CDH13: variants seen among roughly 807,000 people sequenced by gnomAD.
The protein encoded by CDH13 is cadherin 13.
Under a neutral mutation model 63.8 loss-of-function variants are expected in CDH13, and 24 were observed. That is an observed-to-expected ratio of 0.38 (90% CI 0.27 to 0.53). The LOEUF is 0.53. CDH13 is among the 20% of genes least tolerant of loss of function. The pLI, the probability that CDH13 is intolerant of heterozygous loss-of-function variation, is 0.85. For synonymous variants in CDH13, 503 were observed against 355.3 expected (o/e 1.42, Z -4.67); for missense variants, 1,049 against 903.1 (o/e 1.16, Z -2.07).
At chr16:82,954,520 C>T (rs1905766525) in intron 2 of CDH13, 1 of 152,116 alleles carries the variant, frequency 6.6e-6, no homozygotes, top group South Asian at 2.1e-4. Flanking sequence ...TGATGGTGTG[C>T]TCTTCCAAAG....
chr16:83,181,920 C>T (rs963351624), intron 4 of CDH13, among the ~76,000 whole-genome samples: 4 of 152,112 alleles, frequency 2.6e-5, no homozygotes, highest in Non-Finnish European at 4.4e-5. Flanking sequence ...GGAGCACAGG[C>T]GTCGGGCACA....
intron 5 of CDH13, among the ~76,000 whole-genome samples, chr16:83,236,613 G>C (rs1443988752): frequency 6.6e-6 from 1 of 152,016 alleles, no homozygotes; most frequent in East Asian, 1.9e-4. Context: ...GACAGATTCT[G>C]GCATTAACTA....
At chr16:83,286,264 C>T (rs1241786982) in intron 5 of CDH13, among the ~76,000 whole-genome samples, 1 of 152,204 alleles carries the variant, frequency 6.6e-6, no homozygotes, top group Non-Finnish European at 1.5e-5. Flanking sequence ...ATGCCAGTTG[C>T]ATCCATATTA....
At chr16:82,701,197 G>C (rs922433578) in intron 1 of CDH13, among the ~76,000 whole-genome samples, 1 of 151,700 alleles carries the variant, frequency 6.6e-6, no homozygotes, top group Admixed American at 6.6e-5. Flanking sequence ...GTTAAATCCT[G>C]TTGATGCTAC....
chr16:83,588,491 G>A (rs924729276), intron 7 of CDH13, among the ~76,000 whole-genome samples: 6 of 152,170 alleles, frequency 3.9e-5, no homozygotes, highest in South Asian at 2.1e-4. Flanking sequence ...ACTATAACCC[G>A]ATGACCACAT....
chr16:83,176,329 G>A (rs8059350), intron 4 of CDH13, among the ~76,000 whole-genome samples: 3,952 of 151,678 alleles, frequency 0.026, 150 homozygotes, highest in African/African-American at 0.09. Context: ...GGGCAACATG[G>A]TGAAACCCTG....
At chr16:82,741,261 G>T (rs1466807799) in intron 1 of CDH13, among the ~76,000 whole-genome samples, 1 of 152,154 alleles carries the variant, frequency 6.6e-6, no homozygotes, top group Non-Finnish European at 1.5e-5. Flanking sequence ...CCATCATTCT[G>T]TGTGAATTTA....
At chr16:83,102,837 A>T (rs1002706472) in intron 3 of CDH13, among the ~76,000 whole-genome samples, 4 of 151,858 alleles carry the variant, frequency 2.6e-5, no homozygotes, top group African/African-American at 9.7e-5. Flanking sequence ...CATTAACCAG[A>T]AAAGGGTAAA....
At chr16:83,548,767 C>T (rs1693337313) in intron 7 of CDH13, among the ~76,000 whole-genome samples, 1 of 152,108 alleles carries the variant, frequency 6.6e-6, no homozygotes, top group Admixed American at 6.5e-5. Flanking sequence ...CCACCTTACC[C>T]TTGATTCTCA....
chr16:83,786,800 C>T (rs377386114), intron 13 of CDH13, among the ~76,000 whole-genome samples: 3 of 152,102 alleles, frequency 2.0e-5, no homozygotes, highest in Non-Finnish European at 4.4e-5. Flanking sequence ...GTTGTCCAGG[C>T]TGGTCTCAAA....
At chr16:82,666,128 C>G (rs1275239956) in intron 1 of CDH13, among the ~76,000 whole-genome samples, 1 of 152,110 alleles carries the variant, frequency 6.6e-6, no homozygotes, top group Admixed American at 6.5e-5. Flanking sequence ...CTATAACGAT[C>G]TCACGTCTGT....
At chr16:83,547,078 G>T (rs2075399744) in intron 7 of CDH13, among the ~76,000 whole-genome samples, 1 of 152,212 alleles carries the variant, frequency 6.6e-6, no homozygotes, top group African/African-American at 2.4e-5. Context: ...AGGTGAATGT[G>T]TCAAGCACTG....
At chr16:82,683,332 C>G (rs1486718073) in intron 1 of CDH13, among the ~76,000 whole-genome samples, 5 of 152,200 alleles carry the variant, frequency 3.3e-5, no homozygotes, top group Non-Finnish European at 7.3e-5. Flanking sequence ...TCCCCGCTTT[C>G]TGGTTCCAGA....
rs1223247105 is a variant in CDH13, at chr16:83,213,760, C to A, written c.484-3585C>A. On this transcript the variant is annotated intron_variant, in intron 4 of 13. Coordinates refer to ENST00000567109, the MANE Select transcript of CDH13 (RefSeq NM_001257.5). ...AGGTGGTAATGAGAGGTGAAGCCAG[C>A]TGGACTTCCTGGGTGGAGTGGGGAC... Among the ~76,000 whole-genome samples, 4 of 152,164 alleles carry A rather than the reference C, an allele frequency of 2.6e-5. 1 individual carries two copies. Among genetic ancestry groups the A allele is most frequent in the East Asian group, 3.9e-4 (2 of 5,186 alleles).
At chr16:83,523,582 T>G (rs2074890741) in intron 7 of CDH13, among the ~76,000 whole-genome samples, 1 of 152,164 alleles carries the variant, frequency 6.6e-6, no homozygotes, top group South Asian at 2.1e-4. Context: ...CAAGTGCTCC[T>G]CCATTTCCCA....
At chr16:83,103,243 CTTT>C (rs35812420) in intron 3 of CDH13, among the ~76,000 whole-genome samples, 5,319 of 91,056 alleles carry the variant, frequency 0.058, 119 homozygotes, top group South Asian at 0.1. Context: ...GTTAACTGAA[CTTT>C]TTTTTTTTTT....
At chr16:83,616,786 A>G (rs1178706458) in intron 8 of CDH13, among the ~76,000 whole-genome samples, 17 of 152,194 alleles carry the variant, frequency 1.1e-4, no homozygotes, top group Admixed American at 9.2e-4. Flanking sequence ...GAACAATTTT[A>G]GAAGTAAGAT....
At chr16:83,037,245 C>T (rs1916943125) in intron 3 of CDH13, among the ~76,000 whole-genome samples, 1 of 152,160 alleles carries the variant, frequency 6.6e-6, no homozygotes, top group Admixed American at 6.5e-5. Flanking sequence ...TCACAACCTC[C>T]CTGTGGGGTT....
At chr16:82,863,655 T>C (rs2040022747) in intron 2 of CDH13, among the ~76,000 whole-genome samples, 1 of 152,188 alleles carries the variant, frequency 6.6e-6, no homozygotes, top group Admixed American at 6.5e-5. Flanking sequence ...GCTATTATTA[T>C]TATTATTGTC....
Sources: gnomAD v4.1 joint callset for allele counts (sites outside exome capture counted in the v4.1 genomes callset) on GRCh38, gnomAD v4.1.1 for gene constraint, MANE v1.5 for transcripts, NCBI Gene and HGNC (gene_info 2026-07-23, HGNC 2026-07-21) for gene names.